Variants in BET1L observed in about 807,000 individuals in gnomAD.
The protein encoded by BET1L is BET1-like protein.
BET1L carries 13 observed loss-of-function variants against 12.6 expected under a neutral mutation model. The ratio of observed to expected loss-of-function variants is 1.03; its 90% CI spans 0.67 to 1.64. The LOEUF (loss-of-function observed/expected upper bound fraction) is 1.64, where lower values mean the gene tolerates loss of function less well. Ranked by LOEUF, BET1L falls within the 40% of genes most tolerant of loss-of-function variation. The probability of loss-of-function intolerance (pLI) is 0.00; values close to 1 mark genes in which losing one functional copy is unlikely to be tolerated. For missense variants in BET1L, 154 were observed against 150.7 expected, an observed-to-expected ratio of 1.02 and a Z score of -0.11; for synonymous variants, 60 against 56.9, an observed-to-expected ratio of 1.05 and a Z score of -0.25.
At chr11:205,900 C>T in intron 2 of BET1L, 52 bp downstream of exon 2, 1 of 1,582,522 alleles carries the variant, frequency 6.3e-7, no homozygotes, top group Non-Finnish European at 8.7e-7. Context: ...TCCCTCTGAT[C>T]CCCATTCCCC....
In BET1L at chr11:207,322, C is replaced by G; in HGVS notation, c.-1G>C. On this transcript the variant is annotated 5_prime_UTR_variant, in exon 1 of 4. Transcript: ENST00000382762. The stretch of plus-strand genomic sequence containing the variant: ...GCTCACCCCGAGCCCAGTCCGCCAT[C>G]GTGCCCTGCCCCGGCTCCTCGACGC... The G allele has an allele frequency of 6.6e-7, 1 of 1,525,888 alleles. No individual in the cohort carries two copies. Among genetic ancestry groups the G allele is most frequent in the Non-Finnish European group, 8.7e-7 (1 of 1,142,954 alleles). The allele number at this position is 1,525,888 out of a possible 1,614,324, so 94.5% of individuals were successfully genotyped here. A position where few individuals can be genotyped will look rare whatever the true frequency, so the allele number is the denominator to read the frequency against.
intron 3 of BET1L, 67 bp downstream of exon 3, chr11:205,544 C>T (rs375420652): frequency 1.9e-6 from 3 of 1,614,190 alleles, no homozygotes; most frequent in South Asian, 2.2e-5. Context: ...CTGAAGGAGA[C>T]ACTGCAGGCT....
At position 206,029 on chromosome 11, in the gene BET1L, C is replaced by T. The variant is rs562554161; in HGVS notation, c.34G>A (p.Ala12Thr). The change falls in exon 2 of 4, where the codon GCT (alanine) becomes ACT (threonine). Residue 12 changes from alanine (A) to threonine (T), a missense_variant. Physicochemically the swap from Ala to Thr is moderately conservative, Grantham distance 58 (BLOSUM62 0). Coordinates refer to ENST00000382762, the MANE Select transcript of BET1L (RefSeq NM_001098787.2). ...ADWARAQSPG[A>T]VEEILDRENK... ...TCCCGGTCTAGAATCTCTTCCACAG[C>T]GCCCGGGCTCTGAGCTGAGAAAAGA... 7 of 1,613,742 alleles carry T rather than the reference C, an allele frequency of 4.3e-6. No individual in the cohort carries two copies. Among genetic ancestry groups the T allele is most frequent in the South Asian group, 3.3e-5 (3 of 91,092 alleles).
intron 1 of BET1L, 191 bp downstream of exon 1, chr11:207,112 G>A (rs1855186170): frequency 8.3e-6 from 6 of 721,276 alleles, no homozygotes; most frequent in Admixed American, 3.9e-5. Context: ...CGCGCCTTCG[G>A]TCCTAACGGC....
chr11:207,121 G>A (rs1704776016), intron 1 of BET1L, 182 bp downstream of exon 1: 1 of 781,550 alleles, frequency 1.3e-6, no homozygotes, highest in Non-Finnish European at 1.9e-6. Flanking sequence ...GGTCCTAACG[G>A]CAGTGCCGGC....
At chr11:207,171 C>T (rs1237111476) in intron 1 of BET1L, 132 bp downstream of exon 1, 7 of 1,234,944 alleles carry the variant, frequency 5.7e-6, no homozygotes, top group Non-Finnish European at 7.6e-6. Context: ...GATCCGAATC[C>T]GCCCCCCTGA....
chr11:204,335 G>T lies in BET1L; in HGVS notation c.*967C>A. 1 of 152,430 alleles carries T rather than the reference G, an allele frequency of 6.6e-6. No individual in the cohort carries two copies. 9.4% of individuals were successfully genotyped at this position (152,430 alleles called of 1,614,324 possible). On this transcript the variant is annotated 3_prime_UTR_variant, in exon 4 of 4. Coordinates refer to ENST00000382762, the MANE Select transcript of BET1L (RefSeq NM_001098787.2). ...TAGGGAGGGCATCCTGCAGAGGCTGGGGACAAGGAGGATGGCACAGAATGC... is the reference window on the plus strand; with the variant it reads ...TAGGGAGGGCATCCTGCAGAGGCTGTGGACAAGGAGGATGGCACAGAATGC...
intron 2 of BET1L, 66 bp downstream of exon 2, chr11:205,886 G>T: frequency 6.4e-7 from 1 of 1,559,796 alleles, no homozygotes; most frequent in Non-Finnish European, 8.8e-7. Flanking sequence ...TGGGCCCTCT[G>T]CCTTCCCTCT....
rs1440741996 is a variant in BET1L, at chr11:205,624, T to C, written c.155A>G (p.Tyr52Cys). 3 of 1,613,604 alleles carry C rather than the reference T, an allele frequency of 1.9e-6. No homozygotes were observed. Among genetic ancestry groups the C allele is most frequent in the Non-Finnish European group, 2.5e-6 (3 of 1,179,924 alleles). The stretch of plus-strand genomic sequence containing the variant: ...GTGGGCCCTTACCATGCCATCCAGG[T>C]ACCGGTTCTGATCCTCTGCATCCCT... Reference protein sequence around the residue: ...IDRDAEDQNRYLDGMDSDFTS... With the variant: ...IDRDAEDQNRCLDGMDSDFTS... The change falls in exon 3 of 4, where the codon TAC (tyrosine) becomes TGC (cysteine). Residue 52 changes from tyrosine (Y) to cysteine (C), a missense_variant. Physicochemically the swap from Tyr to Cys is radical, Grantham distance 194. Coordinates refer to ENST00000382762, the MANE Select transcript of BET1L (RefSeq NM_001098787.2).
In BET1L at chr11:204,810, C is replaced by T. The variant is rs1472017193; in HGVS notation, c.*492G>A. ...CATCTCCAGGGTGAGAAGCCTCGGTCGGAGGAGATGACACCCACTTAGGGT... is the reference window on the plus strand; with the variant it reads ...CATCTCCAGGGTGAGAAGCCTCGGTTGGAGGAGATGACACCCACTTAGGGT... On this transcript the variant is annotated 3_prime_UTR_variant, in exon 4 of 4. Coordinates refer to ENST00000382762, the MANE Select transcript of BET1L (RefSeq NM_001098787.2). 4 of 172,094 alleles carry T rather than the reference C, an allele frequency of 2.3e-5. No individual in the cohort carries two copies. In the South Asian group the frequency reaches 3.9e-4, roughly 17 times the overall value. The allele number at this position is 172,094 out of a possible 1,614,324, so 10.7% of individuals were successfully genotyped here.
At chr11:206,322 G>A (rs1033827988) in intron 1 of BET1L, among the ~76,000 whole-genome samples, 2 of 152,178 alleles carry the variant, frequency 1.3e-5, no homozygotes, top group Non-Finnish European at 2.9e-5. Context: ...AGCAAAAACT[G>A]GACCCAGCCC....
In BET1L at chr11:205,359, C is replaced by T; in HGVS notation, c.279G>A (p.Val93=). The T allele has an allele frequency of 6.2e-7, 1 of 1,614,120 alleles. No homozygotes were observed. The highest frequency in any genetic ancestry group is 8.5e-7 in the Non-Finnish European group (1 of 1,180,000). ...GGATGAAGAAGGCCACAATTAGACC[C>T]ACGGCCATGCCACATAGAAGCTTCC... ...DNRKLLCGMA[V]GLIVAFFILS... The change falls in exon 4 of 4, where the codon GTG becomes GTA. Residue 93 remains valine, a synonymous_variant. Coordinates refer to ENST00000382762, the MANE Select transcript of BET1L (RefSeq NM_001098787.2).
Position 207,354 on chromosome 11 carries a change from C to T in BET1L, c.-33G>A, listed in dbSNP as rs561953407. 3 of 1,099,356 alleles carry T rather than the reference C, an allele frequency of 2.7e-6. No homozygotes were observed. Among genetic ancestry groups the T allele is most frequent in the African/African-American group, 3.0e-5 (1 of 33,578 alleles). 68.1% of individuals were successfully genotyped at this position (1,099,356 alleles called of 1,614,324 possible). A position where few individuals can be genotyped will look rare whatever the true frequency, so the allele number is the denominator to read the frequency against. On this transcript the variant is annotated 5_prime_UTR_variant, in exon 1 of 4. Transcript: ENST00000382762. ...TGCCCCGGCTCCTCGACGCGGACAC[C>T]GACGCGGCCACAGCCGCCTCAGACG...
rs1371961578 is a variant in BET1L at position 205,285 on chromosome 11, C to T, written c.*17G>A. On this transcript the variant is annotated 3_prime_UTR_variant, in exon 4 of 4. Transcript: ENST00000382762. ...CCTGGCTGCCCTTGGCACCCACAGA[C>T]ACCAGCTCCCACTGGCTCACGTCCT... is the stretch of plus-strand genomic sequence containing the variant. 1 of 1,606,930 alleles carries T rather than the reference C, an allele frequency of 6.2e-7. No homozygotes were observed. Among genetic ancestry groups the T allele is most frequent in the East Asian group, 2.2e-5 (1 of 44,726 alleles).
Position 203,794 on chromosome 11 carries a change from T to C in BET1L, c.*1508A>G, listed in dbSNP as rs1430131283. 6.5e-6 allele frequency: 1 copy of C among 153,168 alleles called. No individual in the cohort carries two copies. Among genetic ancestry groups the C allele is most frequent in the African/African-American group, 2.4e-5 (1 of 41,450 alleles). The allele number at this position is 153,168 out of a possible 1,614,324, so 9.5% of individuals were successfully genotyped here. A position where few individuals can be genotyped will look rare whatever the true frequency, so the allele number is the denominator to read the frequency against. ...ATGGAGGCAGATGAGTCAACCTTGC[T>C]GGGTGAGAAGTGAGCTTGCACTGCA... On this transcript the variant is annotated 3_prime_UTR_variant, in exon 4 of 4. Coordinates refer to ENST00000382762, the MANE Select transcript of BET1L (RefSeq NM_001098787.2).
intron 2 of BET1L, 87 bp from the exon 3 acceptor site, chr11:205,754 A>G: frequency 6.6e-7 from 1 of 1,517,378 alleles, no homozygotes; most frequent in Non-Finnish European, 8.8e-7. Flanking sequence ...AAACCCTGCC[A>G]ACAACTCTGC....
chr11:206,677 C>G (rs1416001810), intron 1 of BET1L, among the ~76,000 whole-genome samples: 1 of 152,138 alleles, frequency 6.6e-6, no homozygotes, highest in Non-Finnish European at 1.5e-5. Flanking sequence ...GCAGAGTGCT[C>G]GCAGAGGCCT....
At position 203,127 on chromosome 11, in the gene BET1L, T is replaced by G. The variant is rs1353335699; in HGVS notation, c.*2175A>C. 6.6e-6 allele frequency: 1 copy of G among 152,126 alleles called. No homozygotes were observed. Among genetic ancestry groups the G allele is most frequent in the Non-Finnish European group, 1.5e-5 (1 of 68,028 alleles). The allele number at this position is 152,126 out of a possible 1,614,324, so 9.4% of individuals were successfully genotyped here. A position where few individuals can be genotyped will look rare whatever the true frequency, so the allele number is the denominator to read the frequency against. On this transcript the variant is annotated 3_prime_UTR_variant, in exon 4 of 4. Coordinates refer to ENST00000382762, the MANE Select transcript of BET1L (RefSeq NM_001098787.2). The stretch of plus-strand genomic sequence containing the variant: ...AACCCCACTCATTTACAGGGTCAGG[T>G]GTACAGGGCTGAGCTGGAGGGTTAG...
At position 207,301 on chromosome 11, in the gene BET1L, AC is replaced by A; in HGVS notation, c.19+1del. 6.5e-7 allele frequency: 1 copy of A among 1,537,978 alleles called. No homozygotes were observed. The highest frequency in any genetic ancestry group is 8.7e-7 in the Non-Finnish European group (1 of 1,150,718). On this transcript the variant is annotated splice_donor_variant, in intron 1 of 3. Transcript: ENST00000382762. LOFTEE classifies it high-confidence loss of function. ...CCAACGGCTCCGCTCTCCCGCGCTCACCCCGAGCCCAGTCCGCCATCGTGCC... is the reference window on the plus strand; with the variant it reads ...CCAACGGCTCCGCTCTCCCGCGCTCACCCGAGCCCAGTCCGCCATCGTGCC...
Sources: allele counts gnomAD v4.1 joint callset (sites outside exome capture counted in the v4.1 genomes callset), GRCh38; gene constraint gnomAD v4.1.1; transcripts MANE v1.5; gene names NCBI Gene and HGNC (gene_info 2026-07-23, HGNC 2026-07-21).